The following DCC variants were observed in gnomAD, a reference collection of about 807,000 sequenced individuals.
DCC encodes the protein DCC netrin 1 receptor.
Under a neutral mutation model 172.5 loss-of-function variants are expected in DCC, and 58 were observed. The ratio of observed to expected loss-of-function variants is 0.34; its 90% CI spans 0.27 to 0.42. The LOEUF is 0.42. Among genes scored for constraint, DCC ranks in the 10% least tolerant of loss-of-function variants. The pLI, the probability that DCC is intolerant of heterozygous loss-of-function variation, is 1.00. For missense variants in DCC, 1,740 were observed against 1,791.0 expected (o/e 0.97, Z 0.51); for synonymous variants, 709 against 644.5 (o/e 1.10, Z -1.52).
intron 1 of DCC, among the ~76,000 whole-genome samples, chr18:52,730,956 A>C (rs2036630303): frequency 6.6e-6 from 1 of 152,186 alleles, no homozygotes; most frequent in African/African-American, 2.4e-5. Flanking sequence ...CGCTAGACTG[A>C]CAATACCACC....
intron 1 of DCC, among the ~76,000 whole-genome samples, chr18:52,385,177 A>G (rs768936590): frequency 2.6e-5 from 4 of 152,126 alleles, no homozygotes; most frequent in Non-Finnish European, 5.9e-5. Context: ...ACGGGAATGC[A>G]CTTGTCTGGG....
intron 1 of DCC, among the ~76,000 whole-genome samples, chr18:52,427,513 T>G (rs1178865216): frequency 6.6e-6 from 1 of 152,076 alleles, no homozygotes; most frequent in Non-Finnish European, 1.5e-5. Flanking sequence ...GGTCTGAGTC[T>G]GAGCCTCATG....
chr18:52,882,706 T>C (rs1598895409), intron 2 of DCC, among the ~76,000 whole-genome samples: 1 of 152,162 alleles, frequency 6.6e-6, no homozygotes, highest in South Asian at 2.1e-4. Context: ...ATGGTTCATG[T>C]CCTGAGGAGA....
chr18:52,708,630 T>G (rs1176856367), intron 1 of DCC, among the ~76,000 whole-genome samples: 1 of 152,008 alleles, frequency 6.6e-6, no homozygotes, highest in Non-Finnish European at 1.5e-5. Flanking sequence ...GGTGCACCTG[T>G]CCCTGCGAAA....
At chr18:52,416,166 C>G (rs1298505349) in intron 1 of DCC, among the ~76,000 whole-genome samples, 1 of 152,096 alleles carries the variant, frequency 6.6e-6, no homozygotes, top group African/African-American at 2.4e-5. Context: ...GTTCAGTTTC[C>G]ATGTAGTTGA....
chr18:52,659,071 A>G (rs1472311161), intron 1 of DCC, among the ~76,000 whole-genome samples: 1 of 152,168 alleles, frequency 6.6e-6, no homozygotes, highest in African/African-American at 2.4e-5. Context: ...TCCACTTTTG[A>G]TAAATGTTCC....
intron 19 of DCC, among the ~76,000 whole-genome samples, chr18:53,403,400 T>C (rs1909448784): frequency 6.6e-6 from 1 of 152,202 alleles, no homozygotes; most frequent in Non-Finnish European, 1.5e-5. Context: ...ACACTTAATA[T>C]TGACTGACAG....
intron 1 of DCC, among the ~76,000 whole-genome samples, chr18:52,359,855 A>G (rs1351547946): frequency 6.6e-6 from 1 of 152,144 alleles, no homozygotes; most frequent in Non-Finnish European, 1.5e-5. Context: ...GTGAGAGAGG[A>G]ATTAATATTA....
At chr18:52,536,861 C>A (rs2144694275) in intron 1 of DCC, among the ~76,000 whole-genome samples, 1 of 152,250 alleles carries the variant, frequency 6.6e-6, no homozygotes, top group African/African-American at 2.4e-5. Flanking sequence ...AAGTTTGGAT[C>A]TTTTAAAATG....
At chr18:53,300,888 G>A (rs2057126158) in intron 12 of DCC, among the ~76,000 whole-genome samples, 1 of 151,468 alleles carries the variant, frequency 6.6e-6, no homozygotes. Context: ...GTCTAGCTCT[G>A]CCTCTGCTCC....
chr18:52,556,927 T>C (rs957839811), intron 1 of DCC, among the ~76,000 whole-genome samples: 6 of 152,208 alleles, frequency 3.9e-5, no homozygotes, highest in Non-Finnish European at 7.3e-5. Context: ...ACTGGCCCAA[T>C]GGCTATAACA....
chr18:53,198,259 C>T (rs952342573), intron 9 of DCC, among the ~76,000 whole-genome samples: 1 of 151,962 alleles, frequency 6.6e-6, no homozygotes, highest in Non-Finnish European at 1.5e-5. Context: ...AGCTAAGAAC[C>T]CTACTCCTCA....
intron 12 of DCC, among the ~76,000 whole-genome samples, chr18:53,301,385 G>A (rs753890318): frequency 5.3e-5 from 8 of 151,966 alleles, no homozygotes; most frequent in African/African-American, 1.2e-4. Flanking sequence ...CACTGCACCC[G>A]GCTGTGTCTG....
At chr18:52,780,882 A>G (rs9950339) in intron 2 of DCC, among the ~76,000 whole-genome samples, 8,044 of 152,222 alleles carry the variant, frequency 0.053, 289 homozygotes, top group South Asian at 0.16. Flanking sequence ...ATATAAGGAG[A>G]GAAGTCTTAG....
In DCC at chr18:53,339,707, T is replaced by G; in HGVS notation, c.2165-6T>G. 1 of 1,613,040 alleles carries G rather than the reference T, an allele frequency of 6.2e-7. No individual in the cohort carries two copies. Among genetic ancestry groups the G allele is most frequent in the Non-Finnish European group, 8.5e-7 (1 of 1,179,044 alleles). ...CATGCTGATGATGCCTCTTTTTGAATGCTAGAATCTCAAGTTCCTGATCAA... is the reference window on the plus strand; with the variant it reads ...CATGCTGATGATGCCTCTTTTTGAAGGCTAGAATCTCAAGTTCCTGATCAA... On this transcript the variant is annotated splice_polypyrimidine_tract_variant and splice_region_variant and intron_variant, in intron 14 of 28. Transcript: ENST00000442544.
intron 1 of DCC, among the ~76,000 whole-genome samples, chr18:52,661,169 A>G (rs1439901965): frequency 6.6e-6 from 1 of 152,224 alleles, no homozygotes. Flanking sequence ...CTGCTGAACA[A>G]GTAAGTGTGG....
At chr18:53,453,155 T>G (rs1225727909) in intron 23 of DCC, among the ~76,000 whole-genome samples, 1 of 152,300 alleles carries the variant, frequency 6.6e-6, no homozygotes, top group South Asian at 2.1e-4. Flanking sequence ...GACTTCATGA[T>G]CTGCCCGCCT....
rs1251573720 is a variant in DCC, at chr18:53,166,346, C to A, written c.1418+8834C>A. 2.6e-5 allele frequency among the ~76,000 whole-genome samples: 4 copies of A among 151,916 alleles called. No homozygotes were observed. In the East Asian group the frequency reaches 7.7e-4, roughly 29 times the overall value. ...TTCAAATGGGAATGTCCCCAAGGGC[C>A]GTGGAAATAGGAATCTGGAGCTCAA... On this transcript the variant is annotated intron_variant, in intron 8 of 28. Transcript: ENST00000442544.
chr18:52,574,616 G>T (rs781203824), intron 1 of DCC, among the ~76,000 whole-genome samples: 1 of 152,112 alleles, frequency 6.6e-6, no homozygotes, highest in Non-Finnish European at 1.5e-5. Flanking sequence ...AATTCTACTC[G>T]CTGAGTCATT....
Sources: gnomAD v4.1 joint callset for allele counts (sites outside exome capture counted in the v4.1 genomes callset) on GRCh38, gnomAD v4.1.1 for gene constraint, MANE v1.5 for transcripts, NCBI Gene and HGNC (gene_info 2026-07-23, HGNC 2026-07-21) for gene names.